FLVCR2: variants seen among roughly 807,000 people sequenced by gnomAD.
FLVCR2 encodes the protein FLVCR choline and putative heme transporter 2, also known as choline/ethanolamine transporter FLVCR2.
In FLVCR2, 38 loss-of-function variants were observed where a neutral mutation model predicts 48.9. The ratio of observed to expected loss-of-function variants is 0.78; its 90% CI spans 0.60 to 1.02. The LOEUF (loss-of-function observed/expected upper bound fraction) is 1.02. Ranked by LOEUF, FLVCR2 falls within the 50% of genes least tolerant of loss-of-function variation. The pLI is 0.00. For missense variants in FLVCR2, 664 were observed against 663.3 expected, an observed-to-expected ratio of 1.00 and a Z score of -0.01; for synonymous variants, 255 against 257.0, an observed-to-expected ratio of 0.99 and a Z score of 0.07.
chr14:75,621,921 G>T, intron 1 of FLVCR2, 158 bp from the exon 2 acceptor site: 1 of 829,234 alleles, frequency 1.2e-6, no homozygotes. Flanking sequence ...TCAGAAGAAA[G>T]ATTTCTCTGG....
chr14:75,638,362 G>T (rs1215195391), intron 5 of FLVCR2, among the ~76,000 whole-genome samples: 1 of 152,100 alleles, frequency 6.6e-6, no homozygotes, highest in African/African-American at 2.4e-5. Context: ...GCTTGAACCC[G>T]GGAGGCAGAG....
chr14:75,642,181 C>G (rs1594817554), intron 9 of FLVCR2, among the ~76,000 whole-genome samples: 1 of 152,364 alleles, frequency 6.6e-6, no homozygotes, highest in East Asian at 1.9e-4. Flanking sequence ...TTGTCACAGT[C>G]TGCTGAACAG....
At chr14:75,605,740 T>C in intron 1 of FLVCR2, 3 of 992,118 alleles carry the variant, frequency 3.0e-6, no homozygotes, top group Non-Finnish European at 4.6e-6. Context: ...CAGAGAGGAG[T>C]TGAACACAAG....
chr14:75,647,946 T>C lies in FLVCR2; in HGVS notation c.*1474T>C, dbSNP rs1338566206. On this transcript the variant is annotated 3_prime_UTR_variant, in exon 10 of 10. Transcript: ENST00000238667. ...GATGCAAGGAACATGCTGTATGTAA[T>C]AGAAGAAAGAAGTCCACGTTTTCGG... The C allele has an allele frequency of 6.5e-6, 1 of 152,848 alleles. No homozygotes were observed. Among genetic ancestry groups the C allele is most frequent in the African/African-American group, 2.4e-5 (1 of 41,414 alleles). 9.5% of individuals were successfully genotyped at this position (152,848 alleles called of 1,614,324 possible).
intron 1 of FLVCR2, among the ~76,000 whole-genome samples, chr14:75,585,708 G>T (rs1159186325): frequency 1.3e-5 from 2 of 152,194 alleles, no homozygotes; most frequent in Non-Finnish European, 2.9e-5. Flanking sequence ...GAATTATCAG[G>T]CAGGCGTCCC....
At chr14:75,632,371 CAGAG>C (rs201575884) in intron 3 of FLVCR2, among the ~76,000 whole-genome samples, 3,174 of 152,308 alleles carry the variant, frequency 0.021, 56 homozygotes, top group South Asian at 0.066. Context: ...TACAAATGGA[CAGAG>C]AGACCTATTC....
At chr14:75,601,884 AAT>A (rs1257994074) in intron 1 of FLVCR2, among the ~76,000 whole-genome samples, 8 of 152,220 alleles carry the variant, frequency 5.3e-5, no homozygotes, top group African/African-American at 1.9e-4. Context: ...TATACAATGA[AAT>A]ATATAAAAAA....
chr14:75,596,426 T>C (rs1184485244), intron 1 of FLVCR2, among the ~76,000 whole-genome samples: 1 of 152,092 alleles, frequency 6.6e-6, no homozygotes, highest in African/African-American at 2.4e-5. Flanking sequence ...AAAAATGATA[T>C]TGGAGTGTGG....
intron 1 of FLVCR2, among the ~76,000 whole-genome samples, chr14:75,616,259 G>A (rs1189639461): frequency 2.0e-5 from 3 of 151,520 alleles, no homozygotes; most frequent in East Asian, 3.9e-4. Flanking sequence ...CCCAGGAGGC[G>A]GAGGTTGCAG....
At chr14:75,602,291 A>C (rs1229818988) in intron 1 of FLVCR2, among the ~76,000 whole-genome samples, 2 of 151,992 alleles carry the variant, frequency 1.3e-5, no homozygotes, top group African/African-American at 4.8e-5. Flanking sequence ...GTTCGAATCC[A>C]TGATCTTTCT....
intron 5 of FLVCR2, among the ~76,000 whole-genome samples, chr14:75,637,498 G>C (rs577301184): frequency 6.6e-6 from 1 of 152,102 alleles, no homozygotes; most frequent in African/African-American, 2.4e-5. Flanking sequence ...AGGCGGAGGC[G>C]GGCAGATCAT....
intron 1 of FLVCR2, among the ~76,000 whole-genome samples, chr14:75,591,767 T>G (rs981516902): frequency 6.6e-6 from 1 of 151,902 alleles, no homozygotes; most frequent in Admixed American, 6.6e-5. Context: ...CATGGCAGGT[T>G]TCTGCCTAGG....
rs188351717 is a variant in FLVCR2, at chr14:75,614,999, A to G, written c.670-7080A>G. 7.8e-3 allele frequency among the ~76,000 whole-genome samples: 1,195 copies of G among 152,286 alleles called. 11 individuals carry two copies. The highest frequency in any genetic ancestry group is 9.4e-3 in the Non-Finnish European group (640 of 68,016). The stretch of plus-strand genomic sequence containing the variant: ...TGGCACATGGGGATTACAATTCGAG[A>G]TGAGATTTTGGTGGGGACACAGAGC... On this transcript the variant is annotated intron_variant, in intron 1 of 9. Coordinates refer to ENST00000238667, the MANE Select transcript of FLVCR2 (RefSeq NM_017791.3).
At chr14:75,646,202 G>A (rs369507258) in intron 9 of FLVCR2, among the ~76,000 whole-genome samples, 199 bp from the exon 10 acceptor site, 1 of 152,116 alleles carries the variant, frequency 6.6e-6, no homozygotes, top group African/African-American at 2.4e-5. Context: ...TCATGATGTT[G>A]GGTGGTGTGT....
intron 1 of FLVCR2, among the ~76,000 whole-genome samples, chr14:75,616,381 A>G (rs753471108): frequency 1.3e-5 from 2 of 152,116 alleles, no homozygotes; most frequent in Non-Finnish European, 2.9e-5. Context: ...CATGGGCATG[A>G]GGCAAGCCCC....
intron 1 of FLVCR2, among the ~76,000 whole-genome samples, chr14:75,614,708 A>G (rs7141438): frequency 0.49 from 74,237 of 152,072 alleles, 23,110 homozygotes; most frequent in African/African-American, 0.87. Flanking sequence ...AACTGCTTGA[A>G]ACTGGGTAAT....
chr14:75,630,339 G>A (rs1322400459), intron 3 of FLVCR2, among the ~76,000 whole-genome samples: 1 of 152,080 alleles, frequency 6.6e-6, no homozygotes, highest in East Asian at 1.9e-4. Context: ...GGGAGCCTGG[G>A]TCTGGTCCCT....
chr14:75,586,646 C>G (rs915454685), intron 1 of FLVCR2, among the ~76,000 whole-genome samples: 2 of 152,092 alleles, frequency 1.3e-5, no homozygotes, highest in South Asian at 4.1e-4. Flanking sequence ...TCTTTACTAC[C>G]AGGAAGGTAA....
chr14:75,617,415 G>T (rs969364520), intron 1 of FLVCR2, among the ~76,000 whole-genome samples: 25 of 152,172 alleles, frequency 1.6e-4, no homozygotes, highest in African/African-American at 5.3e-4. Flanking sequence ...AATAGAAAAT[G>T]AAAATTAAAT....
Sources: allele counts gnomAD v4.1 joint callset (sites outside exome capture counted in the v4.1 genomes callset), GRCh38; gene constraint gnomAD v4.1.1; transcripts MANE v1.5; gene names NCBI Gene and HGNC (gene_info 2026-07-23, HGNC 2026-07-21).